The following NXPH1 variants were observed in gnomAD, a reference collection of about 807,000 sequenced individuals.
NXPH1 encodes the protein neurexophilin 1, also known as neurexophilin-1.
NXPH1 carries 5 observed loss-of-function variants against 23.7 expected under a neutral mutation model. The ratio of observed to expected loss-of-function variants is 0.21; its 90% CI spans 0.11 to 0.44. The LOEUF (loss-of-function observed/expected upper bound fraction) is 0.44, where lower values mean the gene tolerates loss of function less well. Among genes scored for constraint, NXPH1 ranks in the 20% least tolerant of loss-of-function variants. The pLI, the probability that NXPH1 is intolerant of heterozygous loss-of-function variation, is 0.99. For missense variants in NXPH1, 324 were observed against 321.6 expected (o/e 1.01, Z -0.06); for synonymous variants, 144 against 122.2 (o/e 1.18, Z -1.18).
intron 2 of NXPH1, among the ~76,000 whole-genome samples, chr7:8,635,583 GT>G (rs1408286018): frequency 6.6e-6 from 1 of 152,204 alleles, no homozygotes; most frequent in Non-Finnish European, 1.5e-5. Flanking sequence ...AGATAGATAT[GT>G]TAGATAGAGA....
chr7:8,644,544 T>G (rs1820365390), intron 2 of NXPH1, among the ~76,000 whole-genome samples: 2 of 152,168 alleles, frequency 1.3e-5, no homozygotes, highest in Non-Finnish European at 2.9e-5. Context: ...TCTTGATGAC[T>G]GCAGTTATTG....
intron 2 of NXPH1, among the ~76,000 whole-genome samples, chr7:8,573,444 T>G (rs545593725): frequency 4.6e-5 from 7 of 152,250 alleles, no homozygotes; most frequent in Middle Eastern, 3.4e-3. Context: ...AATTTAGACT[T>G]GAAGAGTCAA....
intron 2 of NXPH1, among the ~76,000 whole-genome samples, chr7:8,748,485 T>G (rs1334313270): frequency 6.6e-6 from 1 of 152,204 alleles, no homozygotes; most frequent in African/African-American, 2.4e-5. Context: ...GCAGACACTT[T>G]AAAAGGACTG....
intron 2 of NXPH1, among the ~76,000 whole-genome samples, chr7:8,568,025 G>A (rs141687905): frequency 6.6e-6 from 1 of 151,900 alleles, no homozygotes; most frequent in Non-Finnish European, 1.5e-5. Context: ...GAATTGCAGG[G>A]CGAGTCTTTT....
At chr7:8,722,010 G>C (rs898419648) in intron 2 of NXPH1, among the ~76,000 whole-genome samples, 1 of 152,126 alleles carries the variant, frequency 6.6e-6, no homozygotes, top group African/African-American at 2.4e-5. Context: ...TTCCTGTTGA[G>C]AGTTACTGAC....
chr7:8,688,962 T>C (rs866767780), intron 2 of NXPH1, among the ~76,000 whole-genome samples: 4 of 152,156 alleles, frequency 2.6e-5, no homozygotes, highest in Admixed American at 6.6e-5. Context: ...TCGTTTTCCA[T>C]GGTCTTTGTT....
intron 2 of NXPH1, among the ~76,000 whole-genome samples, chr7:8,615,488 A>G (rs1451959708): frequency 6.6e-6 from 1 of 152,092 alleles, no homozygotes; most frequent in African/African-American, 2.4e-5. Context: ...TTGGTGATCC[A>G]CACTTCCCTC....
At chr7:8,746,225 C>G (rs947818724) in intron 2 of NXPH1, among the ~76,000 whole-genome samples, 1 of 119,578 alleles carries the variant, frequency 8.4e-6, no homozygotes, top group Non-Finnish European at 1.7e-5. Context: ...TGCTAAGGAA[C>G]CTTCCTGTTT....
intron 2 of NXPH1, among the ~76,000 whole-genome samples, chr7:8,719,016 T>G (rs756775153): frequency 6.6e-6 from 1 of 152,220 alleles, no homozygotes; most frequent in Non-Finnish European, 1.5e-5. Flanking sequence ...TTATCTGTTA[T>G]TGAAATATTT....
intron 2 of NXPH1, among the ~76,000 whole-genome samples, chr7:8,654,070 C>T (rs1820533549): frequency 6.6e-6 from 1 of 152,138 alleles, no homozygotes; most frequent in Non-Finnish European, 1.5e-5. Flanking sequence ...GGAGGGCTGG[C>T]TAGCAGGACA....
intron 2 of NXPH1, among the ~76,000 whole-genome samples, chr7:8,717,103 T>G (rs913920537): frequency 2.0e-5 from 3 of 152,206 alleles, no homozygotes; most frequent in African/African-American, 4.8e-5. Flanking sequence ...ACTCAAGTAC[T>G]TCTGTTTGTA....
rs139604512 is a variant in NXPH1 at position 8,451,786 on chromosome 7, A to G, written c.54+16019A>G. 2.2e-4 allele frequency among the ~76,000 whole-genome samples: 33 copies of G among 152,342 alleles called. 1 individual carries two copies. In the East Asian group the frequency reaches 5.4e-3, roughly 25 times the overall value. ...ATATCATCGTCTTACATGTGATTCAATGTTCAAATGGCTGACTGAGAAAGG... is the reference window on the plus strand; with the variant it reads ...ATATCATCGTCTTACATGTGATTCAGTGTTCAAATGGCTGACTGAGAAAGG... On this transcript the variant is annotated intron_variant, in intron 2 of 2. Transcript: ENST00000405863.
At chr7:8,549,132 T>C (rs1278148312) in intron 2 of NXPH1, among the ~76,000 whole-genome samples, 2 of 151,554 alleles carry the variant, frequency 1.3e-5, no homozygotes, top group Non-Finnish European at 3.0e-5. Context: ...GAAACAAGTT[T>C]ACTGAAGAGC....
chr7:8,689,516 G>A (rs1821195553), intron 2 of NXPH1, among the ~76,000 whole-genome samples: 1 of 152,126 alleles, frequency 6.6e-6, no homozygotes, highest in African/African-American at 2.4e-5. Context: ...GGGAGTGATA[G>A]GAATGAAGTT....
chr7:8,496,655 C>T (rs906607979), intron 2 of NXPH1, among the ~76,000 whole-genome samples: 2 of 152,026 alleles, frequency 1.3e-5, no homozygotes, highest in Non-Finnish European at 2.9e-5. Flanking sequence ...ACTTCTTGGG[C>T]CCCATCCCAG....
chr7:8,531,332 G>A lies in NXPH1; in HGVS notation c.54+95565G>A, dbSNP rs1324011167. 2.0e-5 allele frequency among the ~76,000 whole-genome samples: 3 copies of A among 152,166 alleles called. 1 individual carries two copies. The highest frequency in any genetic ancestry group is 4.4e-5 in the Non-Finnish European group (3 of 68,024). On this transcript the variant is annotated intron_variant, in intron 2 of 2. Coordinates refer to ENST00000405863, the MANE Select transcript of NXPH1 (RefSeq NM_152745.3). ...AGTGAAGTTCAAAGTAACTTAGTGT[G>A]ATGTACTACATAATAATGTCATACT...
intron 2 of NXPH1, among the ~76,000 whole-genome samples, chr7:8,692,841 G>A (rs1034884201): frequency 1.3e-5 from 2 of 152,140 alleles, no homozygotes; most frequent in Admixed American, 1.3e-4. Context: ...TAGGTTGTTA[G>A]GTAGATGAAA....
At chr7:8,669,868 A>G (rs1173158612) in intron 2 of NXPH1, among the ~76,000 whole-genome samples, 5 of 151,898 alleles carry the variant, frequency 3.3e-5, no homozygotes, top group Non-Finnish European at 7.4e-5. Flanking sequence ...ATAATTTTTC[A>G]CCTGTTTCCT....
At chr7:8,618,175 A>G (rs1019939136) in intron 2 of NXPH1, among the ~76,000 whole-genome samples, 25 of 152,170 alleles carry the variant, frequency 1.6e-4, no homozygotes, top group African/African-American at 6.0e-4. Flanking sequence ...ACTAACCAAA[A>G]GGGTAGAATG....
Sources: gnomAD v4.1 joint callset for allele counts (sites outside exome capture counted in the v4.1 genomes callset) on GRCh38, gnomAD v4.1.1 for gene constraint, MANE v1.5 for transcripts, NCBI Gene and HGNC (gene_info 2026-07-23, HGNC 2026-07-21) for gene names.